RTEL1: variants seen among roughly 807,000 people sequenced by gnomAD.
RTEL1 encodes regulator of telomere elongation helicase 1.
RTEL1 carries 86 observed loss-of-function variants against 162.2 expected under a neutral mutation model. The observed-to-expected ratio is 0.53, with a 90% CI of 0.45 to 0.63. The LOEUF is 0.63. Ranked by LOEUF, RTEL1 falls within the 30% of genes least tolerant of loss-of-function variation. The probability of loss-of-function intolerance (pLI) is 0.00; values close to 1 mark genes in which losing one functional copy is unlikely to be tolerated. For synonymous variants in RTEL1, 958 were observed against 717.9 expected (o/e 1.33, Z -5.35); for missense variants, 1,941 against 1,750.2 (o/e 1.11, Z -1.95).
chr20:63,692,202 C>CCT (rs1250474480), intron 28 of RTEL1: 1 of 236,276 alleles, frequency 4.2e-6, no homozygotes, highest in Non-Finnish European at 8.4e-6. Flanking sequence ...CAGGAAGCCC[C>CCT]CTGCCTGCTG....
Position 63,694,751 on chromosome 20 carries a change from C to T in RTEL1, c.3120C>T (p.Gly1040=), listed in dbSNP as rs41298346. ...SPRPPPTGDP[G]SQPQWGSGVP... ...CTACTCCCACACCAGGAGACCCTGGCAGCCAACCACAGTGGGGGTCTGGAG... is the reference window on the plus strand; with the variant it reads ...CTACTCCCACACCAGGAGACCCTGGTAGCCAACCACAGTGGGGGTCTGGAG... Residue 1040 remains glycine (G), a synonymous_variant, in exon 32 of 35, where the codon GGC becomes GGT. Coordinates refer to ENST00000360203, the MANE Select transcript of RTEL1 (RefSeq NM_001283009.2). 4.2e-5 allele frequency: 68 copies of T among 1,603,516 alleles called. No individual in the cohort carries two copies. The highest frequency in any genetic ancestry group is 5.5e-5 in the Non-Finnish European group (65 of 1,174,970).
intron 10 of RTEL1, among the ~76,000 whole-genome samples, chr20:63,675,701 T>G (rs2090334959): frequency 6.6e-6 from 1 of 151,668 alleles, no homozygotes; most frequent in African/African-American, 2.4e-5. Context: ...ACGCAGGGAG[T>G]TGCAGTGGGG....
Position 63,662,893 on chromosome 20 carries a change from C to G in RTEL1, c.538+4C>G. 1.9e-6 allele frequency: 3 copies of G among 1,613,792 alleles called. No homozygotes were observed. Among genetic ancestry groups the G allele is most frequent in the Non-Finnish European group, 2.5e-6 (3 of 1,179,808 alleles). On this transcript the variant is annotated splice_donor_region_variant and intron_variant, in intron 6 of 34. Coordinates refer to ENST00000360203, the MANE Select transcript of RTEL1 (RefSeq NM_001283009.2). Reference sequence around the variant, plus strand: ...CATTTCTACAACAACGTAGAAGGTACAAGCAGCTGGGTGGGACCAGGGTCG... The same window carrying G: ...CATTTCTACAACAACGTAGAAGGTAGAAGCAGCTGGGTGGGACCAGGGTCG...
At chr20:63,671,488 A>AT (rs1030870846) in intron 8 of RTEL1, among the ~76,000 whole-genome samples, 13 of 147,574 alleles carry the variant, frequency 8.8e-5, no homozygotes, top group African/African-American at 1.2e-4. Flanking sequence ...AATGTGTGAA[A>AT]TTTTTTTTTT....
chr20:63,685,377 T>A, intron 14 of RTEL1, 146 bp from the exon 15 acceptor site: 1 of 778,682 alleles, frequency 1.3e-6, no homozygotes, highest in Non-Finnish European at 2.1e-6. Flanking sequence ...CCAGCTCCTG[T>A]CCATTGGCCT....
At chr20:63,666,527 G>A (rs8125256) in intron 7 of RTEL1, among the ~76,000 whole-genome samples, 184 of 152,238 alleles carry the variant, frequency 1.2e-3, no homozygotes, top group African/African-American at 4.1e-3. Flanking sequence ...TTATATTGAG[G>A]GGGAAACCTC....
Position 63,688,578 on chromosome 20 carries a change from G to A in RTEL1, c.1773G>A (p.Glu591=), listed in dbSNP as rs398123051. ...KMEALKPLFV[E]PRSKGSFSET... ...AGGCGCTGAAGCCGCTGTTTGTGGA[G>A]CCCAGGAGCAAAGGCAGCTTCTCCG... The change falls in exon 21 of 35, where the codon GAG becomes GAA. Residue 591 remains glutamate (E), a synonymous_variant. Coordinates refer to ENST00000360203, the MANE Select transcript of RTEL1 (RefSeq NM_001283009.2). 2.5e-6 allele frequency: 4 copies of A among 1,610,232 alleles called. No individual in the cohort carries two copies. Among genetic ancestry groups the A allele is most frequent in the Non-Finnish European group, 3.4e-6 (4 of 1,179,414 alleles).
At chr20:63,677,072 G>A (rs765528354) in intron 10 of RTEL1, among the ~76,000 whole-genome samples, 1 of 148,388 alleles carries the variant, frequency 6.7e-6, no homozygotes, top group Non-Finnish European at 1.5e-5. Flanking sequence ...GTGGGCTCTT[G>A]TGTCCTGACC....
At chr20:63,662,266 G>A in intron 4 of RTEL1, 1 of 642,718 alleles carries the variant, frequency 1.6e-6, no homozygotes, top group Non-Finnish European at 2.8e-6. Context: ...GTAGGAGGAG[G>A]CCCTGCTGCT....
At chr20:63,689,942 C>G in intron 24 of RTEL1, 77 bp downstream of exon 24, 1 of 1,554,870 alleles carries the variant, frequency 6.4e-7, no homozygotes, top group East Asian at 2.3e-5. Flanking sequence ...TCTCCTTCCC[C>G]ACATGAGGCC....
In RTEL1 at chr20:63,661,933, A is replaced by C. The variant is rs1441578920; in HGVS notation, c.385A>C (p.Thr129Pro). 6.2e-7 allele frequency: 1 copy of C among 1,613,062 alleles called. No homozygotes were observed. Among genetic ancestry groups the C allele is most frequent in the South Asian group, 1.1e-5 (1 of 91,024 alleles). ...ACAGGTCATCAACGAGCTTCGGAAC[A>C]CCTCCTACCGGTGGGTCAGACGAGT... is the stretch of plus-strand genomic sequence containing the variant. ...LTQVINELRN[T>P]SYRPKVCVLG... The change falls in exon 4 of 35, where the codon ACC becomes CCC. Residue 129 changes from threonine to proline, a missense_variant. Coordinates refer to ENST00000360203, the MANE Select transcript of RTEL1 (RefSeq NM_001283009.2). This position sits in a 1 kb window ranked among gnomAD's most constrained non-coding sequence, Gnocchi z 5.1.
At chr20:63,691,985 C>T (rs2090757741) in intron 28 of RTEL1, 148 bp downstream of exon 28, 2 of 607,102 alleles carry the variant, frequency 3.3e-6, no homozygotes. Context: ...ATGCTGACGG[C>T]CAGGGGCTCA....
intron 12 of RTEL1, 135 bp downstream of exon 12, chr20:63,678,481 G>A (rs1007574278): frequency 1.2e-5 from 10 of 800,024 alleles, no homozygotes; most frequent in African/African-American, 1.0e-4. Context: ...AGACCTGGGA[G>A]GAGCACCTGC....
At chr20:63,694,230 C>A in intron 30 of RTEL1, 142 bp from the exon 31 acceptor site, 1 of 715,322 alleles carries the variant, frequency 1.4e-6, no homozygotes, top group Non-Finnish European at 2.5e-6. Context: ...GCCCCCAGCA[C>A]CCAGGCGTGT....
Position 63,695,581 on chromosome 20 carries a change from C to T in RTEL1, c.3753C>T (p.Asp1251=), listed in dbSNP as rs756080962. The T allele has an allele frequency of 4.3e-5, 70 of 1,612,024 alleles. No individual in the cohort carries two copies. In the Middle Eastern group the frequency reaches 5.0e-4, roughly 11 times the overall value. ...GCVCQGCGAE[D]VVPFQCPACD... ...TGTGCCAGGGCTGTGGGGCAGAGGACGTGGTGCCCTTCCAGTGCCCTGCCT... is the reference window on the plus strand; with the variant it reads ...TGTGCCAGGGCTGTGGGGCAGAGGATGTGGTGCCCTTCCAGTGCCCTGCCT... Residue 1251 remains aspartate, a synonymous_variant, in exon 34 of 35, where the codon GAC becomes GAT. Transcript: ENST00000360203.
At chr20:63,665,692 C>T (rs1353403074) in intron 6 of RTEL1, among the ~76,000 whole-genome samples, 1 of 152,130 alleles carries the variant, frequency 6.6e-6, no homozygotes, top group Non-Finnish European at 1.5e-5. Context: ...AGTGTAGCCG[C>T]CACTCCTGTC....
Position 63,689,734 on chromosome 20 carries a change from C to T in RTEL1, c.2026-16C>T, listed in dbSNP as rs755553044. On this transcript the variant is annotated splice_polypyrimidine_tract_variant and intron_variant, in intron 23 of 34. Transcript: ENST00000360203. ...GGCCAAGGGAGCCCCCGTGACCGAG[C>T]CGCCTCGCCCCACAGTTCCTCTCTG... The T allele has an allele frequency of 6.2e-7, 1 of 1,608,546 alleles. No individual in the cohort carries two copies. Among genetic ancestry groups the T allele is most frequent in the Non-Finnish European group, 8.5e-7 (1 of 1,177,144 alleles).
Position 63,689,605 on chromosome 20 carries a change from A to G in RTEL1, c.1982A>G (p.Gln661Arg), listed in dbSNP as rs758832096. The change falls in exon 23 of 35, where the codon CAG becomes CGG. Residue 661 changes from glutamine (Q) to arginine (R), a missense_variant. Physicochemically the swap from Gln to Arg is conservative, Grantham distance 43. Transcript: ENST00000360203. ...RMDPRVVLKM[Q>R]FLDEMKGQGG... ...GACCCCCGGGTTGTCCTCAAGATGC[A>G]GTTCCTGGATGAGATGAAGGGCCAG... 6.8e-6 allele frequency: 11 copies of G among 1,612,318 alleles called. No homozygotes were observed. The highest frequency in any genetic ancestry group is 9.3e-6 in the Non-Finnish European group (11 of 1,179,684).
In RTEL1 at chr20:63,689,848, C is replaced by T. The variant is rs1345711959; in HGVS notation, c.2124C>T (p.Val708=). Residue 708 remains valine (V), a synonymous_variant, in exon 24 of 35, where the codon GTC becomes GTT. Transcript: ENST00000360203. ...VIRHRQDYGA[V]FLCDHRFAFA... The stretch of plus-strand genomic sequence containing the variant: ...GGCACCGCCAGGACTACGGAGCTGT[C>T]TTCCTCTGTGACCACAGGTGCGTGC... 6.2e-7 allele frequency: 1 copy of T among 1,609,978 alleles called. No individual in the cohort carries two copies. Among genetic ancestry groups the T allele is most frequent in the Non-Finnish European group, 8.5e-7 (1 of 1,179,732 alleles).
Sources: gnomAD v4.1 joint callset for allele counts (sites outside exome capture counted in the v4.1 genomes callset) on GRCh38, gnomAD v4.1.1 for gene constraint, Gnocchi (gnomAD v3.1) non-coding constraint, MANE v1.5 for transcripts, NCBI Gene and HGNC (gene_info 2026-07-23, HGNC 2026-07-21) for gene names.